PMS1: variants seen among roughly 807,000 people sequenced by gnomAD.
PMS1 encodes the protein PMS1 homolog 1, mismatch repair system component.
A neutral mutation model predicts 93.1 loss-of-function variants in PMS1; 79 were observed. The observed-to-expected ratio is 0.85, with a 90% CI of 0.71 to 1.02. The LOEUF (loss-of-function observed/expected upper bound fraction) is 1.02. Ranked by LOEUF, PMS1 falls within the 50% of genes least tolerant of loss-of-function variation. PMS1 has a pLI of 0.00. For missense variants in PMS1, 1,064 were observed against 1,085.3 expected (o/e 0.98, Z 0.28); for synonymous variants, 335 against 363.4 (o/e 0.92, Z 0.89).
chr2:189,864,680 AAAAAAAAATATAT>A (rs2056434467), intron 10 of PMS1, among the ~76,000 whole-genome samples: 1 of 44,188 alleles, frequency 2.3e-5, no homozygotes, highest in Non-Finnish European at 4.1e-5. Flanking sequence ...AAAAAAAAAA[AAAAAAAAATATAT>A]ATATATATAT....
rs754084013 is a variant in PMS1 at position 189,818,050 on chromosome 2, A to G, written c.452A>G (p.Asn151Ser). Reference sequence around the variant, plus strand: ...GTAACTGCTTTAAGATTATTTAAGAATCTACCTGTAAGAAAGCAGTTTTAC... The same window carrying G: ...GTAACTGCTTTAAGATTATTTAAGAGTCTACCTGTAAGAAAGCAGTTTTAC... ...TTVTALRLFKNLPVRKQFYST... is the reference protein window; with the variant it reads ...TTVTALRLFKSLPVRKQFYST... The change falls in exon 5 of 13, where the codon AAT becomes AGT. Residue 151 changes from asparagine (N) to serine (S), a missense_variant. Transcript: ENST00000441310. 1 of 1,609,828 alleles carries G rather than the reference A, an allele frequency of 6.2e-7. No individual in the cohort carries two copies. Among genetic ancestry groups the G allele is most frequent in the Non-Finnish European group, 8.5e-7 (1 of 1,176,528 alleles).
chr2:189,832,104 G>A (rs921102042), intron 5 of PMS1, among the ~76,000 whole-genome samples: 2 of 152,146 alleles, frequency 1.3e-5, no homozygotes, highest in Non-Finnish European at 2.9e-5. Context: ...AGGTTGTATG[G>A]GAAGGGAAAT....
intron 5 of PMS1, among the ~76,000 whole-genome samples, chr2:189,828,214 G>A (rs901677278): frequency 6.6e-6 from 1 of 152,190 alleles, no homozygotes; most frequent in Non-Finnish European, 1.5e-5. Context: ...GTGAGCCACT[G>A]CGCCCGGCCC....
At chr2:189,862,139 C>G (rs899208142) in intron 9 of PMS1, among the ~76,000 whole-genome samples, 1 of 151,930 alleles carries the variant, frequency 6.6e-6, no homozygotes, top group Non-Finnish European at 1.5e-5. Flanking sequence ...TTTGTTTTGC[C>G]TTAGGTCACT....
At chr2:189,791,758 C>T in intron 1 of PMS1, 32 bp from the exon 2 acceptor site, 3 of 1,567,068 alleles carry the variant, frequency 1.9e-6, no homozygotes, top group Non-Finnish European at 2.6e-6. Context: ...GAATGCTTAA[C>T]AATTCTTACA....
Position 189,864,124 on chromosome 2 carries a change from A to T in PMS1, c.2238A>T (p.Leu746Phe). 1 of 1,613,176 alleles carries T rather than the reference A, an allele frequency of 6.2e-7. No homozygotes were observed. The highest frequency in any genetic ancestry group is 8.5e-7 in the Non-Finnish European group (1 of 1,179,274). Residue 746 changes from leucine (L) to phenylalanine (F), a missense_variant, in exon 10 of 13, where the codon TTA becomes TTT. Coordinates refer to ENST00000441310, the MANE Select transcript of PMS1 (RefSeq NM_000534.5). Reference protein sequence around the residue: ...WLMTSKTEVMLLNPYRVEEAL... With the variant: ...WLMTSKTEVMFLNPYRVEEAL... ...TGACATCCAAAACAGAGGTAATGTT[A>T]TTAAATCCATATAGAGTAGAAGAAG... is the stretch of plus-strand genomic sequence containing the variant.
At chr2:189,811,825 G>GT (rs1478079259) in intron 4 of PMS1, among the ~76,000 whole-genome samples, 6 of 152,106 alleles carry the variant, frequency 3.9e-5, no homozygotes, top group East Asian at 1.9e-4. Context: ...AATTGGAAGT[G>GT]TTTTTTCTTT....
chr2:189,785,411 C>T (rs1240814448), intron 1 of PMS1: 4 of 152,180 alleles, frequency 2.6e-5, no homozygotes, highest in East Asian at 1.9e-4. Context: ...TTCCTTTTCC[C>T]TCCCAGCAAA....
intron 5 of PMS1, among the ~76,000 whole-genome samples, chr2:189,841,049 T>G (rs1427686918): frequency 3.9e-5 from 6 of 152,092 alleles, no homozygotes; most frequent in African/African-American, 1.5e-4. Context: ...TGGTTCTAAA[T>G]TGTTGTTGTC....
chr2:189,853,948 C>G lies in PMS1; in HGVS notation c.832C>G (p.His278Asp). Residue 278 changes from histidine (H) to aspartate (D), a missense_variant, in exon 8 of 13, where the codon CAT (histidine) becomes GAT (aspartate). Physicochemically the swap from His to Asp is moderately conservative, Grantham distance 81 (BLOSUM62 -1). Transcript: ENST00000441310. ...TTACATGTATTTCTAGTTAATCCGA[C>G]ATCATTACAATCTGAAATGCCTAAA... ...HQKDILKLIR[H>D]HYNLKCLKES... 6.4e-7 allele frequency: 1 copy of G among 1,572,214 alleles called. No homozygotes were observed. Among genetic ancestry groups the G allele is most frequent in the East Asian group, 2.3e-5 (1 of 44,294 alleles).
chr2:189,815,096 C>CAAA (rs529543530), intron 4 of PMS1, among the ~76,000 whole-genome samples: 2 of 61,574 alleles, frequency 3.2e-5, no homozygotes, highest in Non-Finnish European at 6.9e-5. Flanking sequence ...GACTCCATCT[C>CAAA]AAAAAAAAAA....
intron 5 of PMS1, among the ~76,000 whole-genome samples, chr2:189,822,131 A>G (rs1281209982): frequency 6.6e-6 from 1 of 152,150 alleles, no homozygotes; most frequent in Non-Finnish European, 1.5e-5. Context: ...GGCACGGGAC[A>G]TGTGGGCCGC....
At chr2:189,793,648 C>G (rs951756565) in intron 2 of PMS1, among the ~76,000 whole-genome samples, 6 of 152,172 alleles carry the variant, frequency 3.9e-5, no homozygotes, top group African/African-American at 1.2e-4. Context: ...TTTTCTTAAA[C>G]ATTTCTGGAA....
At chr2:189,817,881 T>C in intron 4 of PMS1, 136 bp from the exon 5 acceptor site, 1 of 692,502 alleles carries the variant, frequency 1.4e-6, no homozygotes, top group Non-Finnish European at 2.6e-6. Context: ...GTTTGCAAAG[T>C]TGAGCCTTTG....
At chr2:189,792,557 T>G (rs1204059249) in intron 2 of PMS1, among the ~76,000 whole-genome samples, 1 of 151,592 alleles carries the variant, frequency 6.6e-6, no homozygotes, top group African/African-American at 2.4e-5. Context: ...TATCAGATAT[T>G]TATGCTATTT....
intron 4 of PMS1, among the ~76,000 whole-genome samples, chr2:189,813,260 A>T (rs924457409): frequency 2.6e-5 from 4 of 152,228 alleles, no homozygotes; most frequent in African/African-American, 9.6e-5. Context: ...TGAGAAAGGA[A>T]GGTTAGGTGT....
intron 12 of PMS1, among the ~76,000 whole-genome samples, chr2:189,874,784 A>G (rs1010273677): frequency 2.6e-5 from 4 of 152,138 alleles, no homozygotes; most frequent in Admixed American, 1.3e-4. Context: ...TTCCCAGCCT[A>G]TTGTGCGGGT....
chr2:189,843,833 T>C (rs1194206531), intron 5 of PMS1, 131 bp from the exon 6 acceptor site: 3 of 770,686 alleles, frequency 3.9e-6, no homozygotes, highest in Non-Finnish European at 6.6e-6. Context: ...TCATAGCTCA[T>C]GAATCTCTTC....
intron 7 of PMS1, 56 bp downstream of exon 7, chr2:189,852,833 C>A (rs2106451153): frequency 9.0e-7 from 1 of 1,105,398 alleles, no homozygotes; most frequent in Non-Finnish European, 1.4e-6. Flanking sequence ...CACATTGTAA[C>A]AAGGACTGCT....
Sources: allele counts gnomAD v4.1 joint callset (sites outside exome capture counted in the v4.1 genomes callset), GRCh38; gene constraint gnomAD v4.1.1; transcripts MANE v1.5; gene names NCBI Gene and HGNC (gene_info 2026-07-23, HGNC 2026-07-21).